Variants in SLC7A2 observed in about 807,000 individuals in gnomAD.
The protein encoded by SLC7A2 is solute carrier family 7 member 2.
Under a neutral mutation model 58.9 loss-of-function variants are expected in SLC7A2, and 48 were observed. The observed-to-expected ratio is 0.82, with a 90% CI of 0.65 to 1.04. The LOEUF is 1.04. Among genes scored for constraint, SLC7A2 ranks in the 50% least tolerant of loss-of-function variants. SLC7A2 has a pLI of 0.00. For missense variants in SLC7A2, 1,029 were observed against 818.8 expected, an observed-to-expected ratio of 1.26 and a Z score of -3.13; for synonymous variants, 363 against 314.5, an observed-to-expected ratio of 1.15 and a Z score of -1.63.
chr8:17,497,921 C>T (rs1409453678), intron 1 of SLC7A2, among the ~76,000 whole-genome samples: 1 of 152,202 alleles, frequency 6.6e-6, no homozygotes, highest in Non-Finnish European at 1.5e-5. Flanking sequence ...CCCATCACCC[C>T]AGAGTACCTG....
intron 2 of SLC7A2, among the ~76,000 whole-genome samples, chr8:17,508,139 A>G (rs1013604701): frequency 1.3e-5 from 2 of 151,768 alleles, no homozygotes; most frequent in Non-Finnish European, 2.9e-5. Flanking sequence ...TCTGATTATC[A>G]TAGATAACAG....
chr8:17,563,738 T>A, intron 12 of SLC7A2, 27 bp downstream of exon 12: 1 of 1,336,412 alleles, frequency 7.5e-7, no homozygotes, highest in Non-Finnish European at 1.1e-6. Flanking sequence ...CGGGTTCTCT[T>A]TCCTATTTCA....
chr8:17,558,216 T>A, intron 8 of SLC7A2, 79 bp from the exon 9 acceptor site: 3 of 853,636 alleles, frequency 3.5e-6, no homozygotes, highest in Non-Finnish European at 2.0e-6. Flanking sequence ...CAGTCAGATG[T>A]CCCTGACTTG....
intron 1 of SLC7A2, chr8:17,500,206 A>C (rs1800098428): frequency 6.6e-6 from 1 of 152,226 alleles, no homozygotes; most frequent in Non-Finnish European, 1.5e-5. Flanking sequence ...AGACGATTTC[A>C]GACCTGTCTG....
chr8:17,551,452 C>T (rs1278486570), intron 6 of SLC7A2, among the ~76,000 whole-genome samples: 1 of 152,000 alleles, frequency 6.6e-6, no homozygotes, highest in Admixed American at 6.6e-5. Flanking sequence ...CAAAAATTAG[C>T]CAGGTGTGGT....
At chr8:17,545,384 T>C (rs1585242897) in intron 4 of SLC7A2, among the ~76,000 whole-genome samples, 1 of 151,500 alleles carries the variant, frequency 6.6e-6, no homozygotes, top group African/African-American at 2.4e-5. Context: ...TATATTTGTT[T>C]TAACTATTTG....
chr8:17,563,750 G>A (rs753230772), intron 12 of SLC7A2, 39 bp downstream of exon 12: 3 of 1,208,104 alleles, frequency 2.5e-6, no homozygotes, highest in South Asian at 1.2e-5. Context: ...CCTATTTCAT[G>A]TGCTGTGATG....
At position 17,548,790 on chromosome 8, in the gene SLC7A2, G is replaced by T; in HGVS notation, c.645G>T (p.Val215=). Reference sequence around the variant, plus strand: ...TTGCTGGGTTTGTGAAAGGAAATGTGGCAAACTGGAAGATTAGTGAAGAGT... The same window carrying T: ...TTGCTGGGTTTGTGAAAGGAAATGTTGCAAACTGGAAGATTAGTGAAGAGT... ...VMVAGFVKGN[V]ANWKISEEFL... The change falls in exon 5 of 13, where the codon GTG becomes GTT. Residue 215 remains valine (V), a synonymous_variant. Transcript: ENST00000494857. 1 of 1,613,822 alleles carries T rather than the reference G, an allele frequency of 6.2e-7. No homozygotes were observed. Among genetic ancestry groups the T allele is most frequent in the Non-Finnish European group, 8.5e-7 (1 of 1,179,922 alleles).
Position 17,554,552 on chromosome 8 carries a change from T to C in SLC7A2, c.1056-8T>C. Reference sequence around the variant, plus strand: ...TTGCCATACTGCATGTGTTTGCTTTTTATTCAGTCTTCTTGGATCCATTTT... The same window carrying C: ...TTGCCATACTGCATGTGTTTGCTTTCTATTCAGTCTTCTTGGATCCATTTT... On this transcript the variant is annotated splice_region_variant and splice_polypyrimidine_tract_variant and intron_variant, in intron 7 of 12. Transcript: ENST00000494857. 6.3e-7 allele frequency: 1 copy of C among 1,583,230 alleles called. No individual in the cohort carries two copies. Among genetic ancestry groups the C allele is most frequent in the Non-Finnish European group, 8.5e-7 (1 of 1,169,730 alleles).
intron 3 of SLC7A2, 76 bp from the exon 4 acceptor site, chr8:17,544,375 C>A: frequency 7.8e-7 from 1 of 1,282,068 alleles, no homozygotes; most frequent in Non-Finnish European, 1.1e-6. Context: ...TCATGTTTAT[C>A]CTATAATAGA....
At chr8:17,531,830 CAAAG>C (rs745564504) in intron 2 of SLC7A2, among the ~76,000 whole-genome samples, 41 of 151,608 alleles carry the variant, frequency 2.7e-4, no homozygotes, top group Non-Finnish European at 7.4e-5. Flanking sequence ...AGTAAAGTAA[CAAAG>C]AGGAAAATTT....
intron 8 of SLC7A2, among the ~76,000 whole-genome samples, chr8:17,556,389 A>G (rs961827981): frequency 1.3e-5 from 2 of 152,188 alleles, no homozygotes; most frequent in Non-Finnish European, 2.9e-5. Flanking sequence ...AGATATTAAA[A>G]TTAATAATTA....
intron 4 of SLC7A2, among the ~76,000 whole-genome samples, chr8:17,548,176 A>G (rs955157339): frequency 2.6e-5 from 4 of 152,104 alleles, no homozygotes; most frequent in Non-Finnish European, 5.9e-5. Context: ...CCCCAACCCT[A>G]CGAAAAATAC....
chr8:17,565,195 C>A lies in SLC7A2; in HGVS notation c.*49C>A. 7.0e-7 allele frequency: 1 copy of A among 1,419,358 alleles called. No individual in the cohort carries two copies. The highest frequency in any genetic ancestry group is 9.7e-7 in the Non-Finnish European group (1 of 1,029,616). The allele number at this position is 1,419,358 out of a possible 1,614,324, so 87.9% of individuals were successfully genotyped here. A position where few individuals can be genotyped will look rare whatever the true frequency, so the allele number is the denominator to read the frequency against. ...ATCGTCTTAGCATACATATCCTACACTGAGTAAACCGTAACGGGATGTCAT... is the reference window on the plus strand; with the variant it reads ...ATCGTCTTAGCATACATATCCTACAATGAGTAAACCGTAACGGGATGTCAT... On this transcript the variant is annotated 3_prime_UTR_variant, in exon 13 of 13. Transcript: ENST00000494857.
intron 2 of SLC7A2, among the ~76,000 whole-genome samples, chr8:17,527,078 G>C (rs1585210842): frequency 6.6e-6 from 1 of 152,122 alleles, no homozygotes; most frequent in South Asian, 2.1e-4. Flanking sequence ...TCATTCATTT[G>C]GATTAACATA....
intron 2 of SLC7A2, among the ~76,000 whole-genome samples, chr8:17,519,878 A>C (rs1433946257): frequency 6.6e-6 from 1 of 152,180 alleles, no homozygotes; most frequent in African/African-American, 2.4e-5. Context: ...GAGTGATCCA[A>C]GGAGAGCACC....
chr8:17,539,285 A>G (rs148176562), intron 2 of SLC7A2, among the ~76,000 whole-genome samples: 247 of 152,288 alleles, frequency 1.6e-3, no homozygotes, highest in African/African-American at 5.8e-3. Context: ...GGACTTATCA[A>G]GGAATAAGGT....
intron 9 of SLC7A2, 109 bp downstream of exon 9, chr8:17,558,506 G>A: frequency 1.6e-6 from 1 of 618,372 alleles, no homozygotes; most frequent in African/African-American, 1.8e-5. Context: ...TCTCACCAAG[G>A]TGAGAGGTCA....
chr8:17,509,295 A>G (rs970508368), intron 2 of SLC7A2, among the ~76,000 whole-genome samples: 2 of 152,136 alleles, frequency 1.3e-5, no homozygotes, highest in East Asian at 1.9e-4. Context: ...TGAACTAAGT[A>G]TAATTTCCTT....
Sources: gnomAD v4.1 joint callset for allele counts (sites outside exome capture counted in the v4.1 genomes callset) on GRCh38, gnomAD v4.1.1 for gene constraint, MANE v1.5 for transcripts, NCBI Gene and HGNC (gene_info 2026-07-23, HGNC 2026-07-21) for gene names.